NTRK2: variants seen among roughly 807,000 people sequenced by gnomAD.
The protein encoded by NTRK2 is BDNF/NT-3 growth factors receptor.
In NTRK2, 13 loss-of-function variants were observed where a neutral mutation model predicts 94.5. The ratio of observed to expected loss-of-function variants is 0.14; its 90% confidence interval spans 0.09 to 0.22. NTRK2 has a LOEUF of 0.22. Among genes scored for constraint, NTRK2 ranks in the 10% least tolerant of loss-of-function variants. The probability of loss-of-function intolerance (pLI) is 1.00; values close to 1 mark genes in which losing one functional copy is unlikely to be tolerated. For missense variants in NTRK2, 639 were observed against 1,071.2 expected, an observed-to-expected ratio of 0.60 and a Z score of 5.63; for synonymous variants, 372 against 407.4, an observed-to-expected ratio of 0.91 and a Z score of 1.05.
At chr9:84,715,976 A>G (rs540125049) in intron 6 of NTRK2, among the ~76,000 whole-genome samples, 12 of 152,306 alleles carry the variant, frequency 7.9e-5, no homozygotes, top group Admixed American at 7.2e-4. Context: ...TTAATAGTAC[A>G]TGAAATGCTC....
At chr9:84,995,592 GGGCAA>G (rs1313561150) in intron 17 of NTRK2, among the ~76,000 whole-genome samples, 1 of 152,118 alleles carries the variant, frequency 6.6e-6, no homozygotes, top group African/African-American at 2.4e-5. Flanking sequence ...CCACACACTT[GGGCAA>G]GTCTTTTATC....
intron 12 of NTRK2, among the ~76,000 whole-genome samples, chr9:84,776,049 C>A (rs1158923675): frequency 6.6e-6 from 1 of 152,052 alleles, no homozygotes. Flanking sequence ...TCATTGTGGG[C>A]TGTTTTCTAC....
At chr9:84,892,641 C>T (rs570435650) in intron 14 of NTRK2, among the ~76,000 whole-genome samples, 1 of 152,238 alleles carries the variant, frequency 6.6e-6, no homozygotes, top group African/African-American at 2.4e-5. Context: ...CTGTCCTAGG[C>T]TGGGCACAGT....
rs556997038 is a variant in NTRK2, at chr9:84,712,004, T to G, written c.583+1213T>G. 2.0e-5 allele frequency among the ~76,000 whole-genome samples: 3 copies of G among 152,336 alleles called. No individual in the cohort carries two copies. In the South Asian group the frequency reaches 6.2e-4, roughly 32 times the overall value. ...TGATAAGAGGGTAACTGTTCTCTGTTCTGGTGCAAATTTGTACTGCTGAGA... is the reference window on the plus strand; with the variant it reads ...TGATAAGAGGGTAACTGTTCTCTGTGCTGGTGCAAATTTGTACTGCTGAGA... On this transcript the variant is annotated intron_variant, in intron 6 of 18. Transcript: ENST00000277120.
At chr9:84,825,340 G>A (rs922623025) in intron 12 of NTRK2, among the ~76,000 whole-genome samples, 1 of 152,044 alleles carries the variant, frequency 6.6e-6, no homozygotes, top group African/African-American at 2.4e-5. Flanking sequence ...AACTTGCGCA[G>A]CTGAGTAGAT....
chr9:84,862,812 G>A (rs1438194482), intron 13 of NTRK2, among the ~76,000 whole-genome samples: 5 of 152,150 alleles, frequency 3.3e-5, no homozygotes, highest in Middle Eastern at 3.2e-3. Context: ...GAACTGGGGA[G>A]GGAGGGTAAA....
intron 17 of NTRK2, among the ~76,000 whole-genome samples, chr9:85,013,335 C>G (rs1001073197): frequency 6.6e-6 from 1 of 152,170 alleles, no homozygotes; most frequent in African/African-American, 2.4e-5. Flanking sequence ...TGGAGTCTCA[C>G]TCTGTCACCC....
At chr9:84,874,191 G>A (rs867231159) in intron 14 of NTRK2, 1 of 1,065,212 alleles carries the variant, frequency 9.4e-7, no homozygotes, top group East Asian at 5.0e-5. Flanking sequence ...TGTGGACCAG[G>A]ACCAGCTGAG....
intron 12 of NTRK2, among the ~76,000 whole-genome samples, chr9:84,837,359 TA>T (rs1445679837): frequency 6.6e-6 from 1 of 152,220 alleles, no homozygotes; most frequent in East Asian, 1.9e-4. Flanking sequence ...GCCTGGGATC[TA>T]AGTCCTAATT....
chr9:84,749,394 A>G (rs1366796210), intron 11 of NTRK2, among the ~76,000 whole-genome samples: 1 of 152,192 alleles, frequency 6.6e-6, no homozygotes, highest in Non-Finnish European at 1.5e-5. Flanking sequence ...TGCTCTTCTC[A>G]TCTGACATGA....
intron 14 of NTRK2, among the ~76,000 whole-genome samples, chr9:84,878,265 A>G (rs2076144478): frequency 6.6e-6 from 1 of 152,220 alleles, no homozygotes; most frequent in African/African-American, 2.4e-5. Flanking sequence ...GCATAATCCC[A>G]GGAGGGCTGG....
intron 2 of NTRK2, among the ~76,000 whole-genome samples, chr9:84,698,452 G>C (rs932207347): frequency 1.3e-5 from 2 of 151,990 alleles, no homozygotes; most frequent in African/African-American, 4.8e-5. Flanking sequence ...CACTCGGGTT[G>C]TTCCAGCTTT....
At chr9:84,914,000 C>G (rs914558092) in intron 14 of NTRK2, among the ~76,000 whole-genome samples, 2 of 151,978 alleles carry the variant, frequency 1.3e-5, no homozygotes, top group Non-Finnish European at 2.9e-5. Flanking sequence ...CATTTTCCTT[C>G]TGAAAAATTG....
At chr9:84,814,905 A>T in intron 12 of NTRK2, 1 of 1,060,866 alleles carries the variant, frequency 9.4e-7, no homozygotes, top group South Asian at 4.6e-5. Context: ...TAACCACTCT[A>T]TTAAGTGTGT....
chr9:84,740,939 T>G (rs1245494165), intron 9 of NTRK2, among the ~76,000 whole-genome samples: 1 of 152,202 alleles, frequency 6.6e-6, no homozygotes, highest in Non-Finnish European at 1.5e-5. Context: ...TGAGTAAGCT[T>G]TATGGTTTAC....
chr9:84,920,501 A>G lies in NTRK2; in HGVS notation c.1634-13661A>G, dbSNP rs1587932959. 2.7e-5 allele frequency among the ~76,000 whole-genome samples: 4 copies of G among 149,230 alleles called. No homozygotes were observed. In the South Asian group the frequency reaches 8.6e-4, roughly 32 times the overall value. ...CTCCTTTGTGCTTAAGCTCTTTCCC[A>G]CTCCTTCCGTCTGTTGCACCTGCTG... On this transcript the variant is annotated intron_variant, in intron 14 of 18. Transcript: ENST00000277120.
At position 84,675,324 on chromosome 9, in the gene NTRK2, C is replaced by CTTTTTTTTTTTTTTTTTTT. The variant is rs536445167; in HGVS notation, c.212+4373_212+4391dup. Among the ~76,000 whole-genome samples the CTTTTTTTTTTTTTTTTTTT allele has an allele frequency of 1.5e-3, 104 of 67,328 alleles. 7 individuals are homozygous for CTTTTTTTTTTTTTTTTTTT. Among genetic ancestry groups the CTTTTTTTTTTTTTTTTTTT allele is most frequent in the East Asian group, 4.2e-3 (8 of 1,890 alleles). The allele number at this position is 67,328 out of a possible 152,430, so 44.2% of individuals were successfully genotyped here. ...CTCTTCTCCTTTCTTTCTTTCTTTC[C>CTTTTTTTTTTTTTTTTTTT]TTTTTTTTTTTTTTTTTTTTTTTTT... On this transcript the variant is annotated intron_variant, in intron 2 of 18. Coordinates refer to ENST00000277120, the MANE Select transcript of NTRK2 (RefSeq NM_006180.6).
At chr9:84,924,989 C>T (rs532901522) in intron 14 of NTRK2, among the ~76,000 whole-genome samples, 4 of 152,242 alleles carry the variant, frequency 2.6e-5, no homozygotes, top group East Asian at 3.9e-4. Context: ...GGATGGCTCG[C>T]GTGTCTAGGC....
chr9:84,819,666 T>A (rs1366475877), intron 12 of NTRK2, among the ~76,000 whole-genome samples: 2 of 152,230 alleles, frequency 1.3e-5, no homozygotes, highest in Non-Finnish European at 2.9e-5. Flanking sequence ...GTATGTCTGT[T>A]GTGTTCCCCC....
Sources: gnomAD v4.1 joint callset for allele counts (sites outside exome capture counted in the v4.1 genomes callset) on GRCh38, gnomAD v4.1.1 for gene constraint, MANE v1.5 for transcripts, NCBI Gene and HGNC (gene_info 2026-07-23, HGNC 2026-07-21) for gene names.